The following SH3BP4 variants were observed in gnomAD, a reference collection of about 807,000 sequenced individuals.
The protein encoded by SH3BP4 is SH3 domain-binding protein 4.
SH3BP4 carries 33 observed loss-of-function variants against 65.5 expected under a neutral mutation model. The ratio of observed to expected loss-of-function variants is 0.50; its 90% CI spans 0.38 to 0.67. The LOEUF is 0.67. Ranked by LOEUF, SH3BP4 falls within the 30% of genes least tolerant of loss-of-function variation. The probability of loss-of-function intolerance (pLI) is 0.00; values close to 1 mark genes in which losing one functional copy is unlikely to be tolerated. For synonymous variants in SH3BP4, 552 were observed against 545.5 expected (o/e 1.01, Z -0.17); for missense variants, 1,134 against 1,261.4 (o/e 0.90, Z 1.53).
At chr2:234,986,808 TA>T (rs1199498624) in intron 1 of SH3BP4, among the ~76,000 whole-genome samples, 3 of 123,258 alleles carry the variant, frequency 2.4e-5, no homozygotes, top group South Asian at 2.4e-4. Context: ...CTAATGATTT[TA>T]TTTTTTTTTT....
At chr2:235,002,081 AAACTCCTGACCTCAGGCGACCCGC>A (rs1256319880) in intron 2 of SH3BP4, among the ~76,000 whole-genome samples, 4 of 152,086 alleles carry the variant, frequency 2.6e-5, no homozygotes, top group Non-Finnish European at 4.4e-5. Flanking sequence ...GGCTGATCTC[AAACTCCTGACCTCAGGCGACCCGC>A]CCGCCTCGGC....
intron 1 of SH3BP4, among the ~76,000 whole-genome samples, chr2:234,988,255 T>G (rs1288924769): frequency 6.6e-6 from 1 of 152,072 alleles, no homozygotes; most frequent in Non-Finnish European, 1.5e-5. Context: ...GAGACAGGGT[T>G]TCACCGTGTT....
intron 2 of SH3BP4, among the ~76,000 whole-genome samples, chr2:235,010,494 T>C (rs911648287): frequency 1.3e-5 from 2 of 152,238 alleles, no homozygotes; most frequent in African/African-American, 4.8e-5. Flanking sequence ...ATCTGTCTCA[T>C]AGGGCACTTG....
rs1231135377 is a variant in SH3BP4 at position 235,038,366 on chromosome 2, A to AAT, written c.119-2514_119-2513dup. Among the ~76,000 whole-genome samples, 108 of 39,496 alleles carry AAT rather than the reference A, an allele frequency of 2.7e-3. 1 individual carries two copies. Among genetic ancestry groups the AAT allele is most frequent in the African/African-American group, 9.0e-3 (76 of 8,480 alleles). The allele number at this position is 39,496 out of a possible 152,430, so 25.9% of individuals were successfully genotyped here. A position where few individuals can be genotyped will look rare whatever the true frequency, so the allele number is the denominator to read the frequency against. On this transcript the variant is annotated intron_variant, in intron 3 of 5. Transcript: ENST00000392011. ...ATATATATTTTATATATATATATAT[A>AAT]ATATATATACATATATATATATATA... is the stretch of plus-strand genomic sequence containing the variant.
At chr2:234,980,478 A>C (rs1483854628) in intron 1 of SH3BP4, among the ~76,000 whole-genome samples, 1 of 151,932 alleles carries the variant, frequency 6.6e-6, no homozygotes, top group African/African-American at 2.4e-5. Flanking sequence ...GTGAGGGGGG[A>C]CTGCTGTATG....
intron 2 of SH3BP4, among the ~76,000 whole-genome samples, chr2:235,009,127 G>C (rs947145461): frequency 2.0e-5 from 3 of 152,214 alleles, no homozygotes; most frequent in Non-Finnish European, 4.4e-5. Flanking sequence ...ATGGTTCCGG[G>C]TAGAATATAC....
intron 2 of SH3BP4, among the ~76,000 whole-genome samples, chr2:235,031,305 A>G (rs1309035134): frequency 6.6e-6 from 1 of 152,130 alleles, no homozygotes; most frequent in African/African-American, 2.4e-5. Flanking sequence ...TTTTTGTCTC[A>G]TCACTGGTTC....
chr2:235,044,818 G>A (rs1045368370), intron 4 of SH3BP4, among the ~76,000 whole-genome samples: 1 of 152,254 alleles, frequency 6.6e-6, no homozygotes, highest in African/African-American at 2.4e-5. Context: ...TGGGGCAGGA[G>A]TCGGGTGAGA....
rs1194551036 is a variant in SH3BP4 at position 235,040,372 on chromosome 2, A to C, written c.119-516A>C. Among the ~76,000 whole-genome samples the C allele has an allele frequency of 2.0e-5, 3 of 152,092 alleles. No individual in the cohort carries two copies. The East Asian group carries it at 5.8e-4, about 29-fold the overall frequency. On this transcript the variant is annotated intron_variant, in intron 3 of 5. Coordinates refer to ENST00000392011, the MANE Select transcript of SH3BP4 (RefSeq NM_014521.3). Reference sequence around the variant, plus strand: ...GAAATTTAAGAAGCAGGTTGAGGGAAGCTTTCCATCCAGAGGCAGAGCTTG... The same window carrying C: ...GAAATTTAAGAAGCAGGTTGAGGGACGCTTTCCATCCAGAGGCAGAGCTTG...
In SH3BP4 at chr2:235,002,862, G is replaced by A. The variant is rs546949577; in HGVS notation, c.-133+7486G>A. Among the ~76,000 whole-genome samples, 420 of 152,362 alleles carry A rather than the reference G, an allele frequency of 2.8e-3. 1 individual carries two copies. The highest frequency in any genetic ancestry group is 4.8e-3 in the Non-Finnish European group (324 of 68,030). The stretch of plus-strand genomic sequence containing the variant: ...GTTCAGATAACGGAAGGCCACACAA[G>A]ATTCTAGAATTGTCAGCAGAGGGAG... On this transcript the variant is annotated intron_variant, in intron 2 of 5. Transcript: ENST00000392011.
intron 3 of SH3BP4, among the ~76,000 whole-genome samples, chr2:235,038,288 TAATATATATATTATA>T (rs1559254185): frequency 5.2e-5 from 1 of 19,406 alleles, no homozygotes; most frequent in Non-Finnish European, 6.4e-5. Context: ...ATATTATATA[TAATATATATATTATA>T]TATATATATT....
intron 1 of SH3BP4, among the ~76,000 whole-genome samples, chr2:234,985,015 G>T (rs563450594): frequency 6.6e-6 from 1 of 152,150 alleles, no homozygotes; most frequent in African/African-American, 2.4e-5. Flanking sequence ...GCCAGGAGGC[G>T]GGGGCGTCGA....
intron 2 of SH3BP4, among the ~76,000 whole-genome samples, chr2:235,002,341 C>T (rs1028180691): frequency 4.6e-5 from 7 of 152,236 alleles, no homozygotes; most frequent in South Asian, 2.1e-4. Context: ...TGTTATGTTG[C>T]GTAATCTTCT....
chr2:235,043,922 G>A (rs1695759536), intron 4 of SH3BP4, among the ~76,000 whole-genome samples: 1 of 152,260 alleles, frequency 6.6e-6, no homozygotes, highest in Non-Finnish European at 1.5e-5. Context: ...GAGCATTCCA[G>A]TTACTTTTCC....
intron 2 of SH3BP4, among the ~76,000 whole-genome samples, chr2:234,998,235 G>A (rs1203423110): frequency 6.6e-6 from 1 of 152,214 alleles, no homozygotes; most frequent in Non-Finnish European, 1.5e-5. Context: ...TGCCTGGGGG[G>A]GCACGTGAAC....
intron 3 of SH3BP4, among the ~76,000 whole-genome samples, chr2:235,038,291 T>TATATATTATATATA (rs1559254205): frequency 0.018 from 353 of 19,184 alleles, 6 homozygotes; most frequent in African/African-American, 0.087. Context: ...TTATATATAA[T>TATATATTATATATA]ATATATATTA....
intron 2 of SH3BP4, among the ~76,000 whole-genome samples, chr2:235,020,978 A>T (rs1354466483): frequency 1.3e-5 from 2 of 152,166 alleles, no homozygotes; most frequent in East Asian, 3.8e-4. Context: ...TTTTTTATAA[A>T]TACATTTTTG....
At chr2:235,001,701 G>A (rs1158072936) in intron 2 of SH3BP4, among the ~76,000 whole-genome samples, 1 of 152,134 alleles carries the variant, frequency 6.6e-6, no homozygotes, top group Non-Finnish European at 1.5e-5. Context: ...CACAGTCCAG[G>A]GCAAGAGGCC....
intron 4 of SH3BP4, among the ~76,000 whole-genome samples, chr2:235,047,517 A>C (rs1695904012): frequency 6.6e-6 from 1 of 152,224 alleles, no homozygotes; most frequent in African/African-American, 2.4e-5. Context: ...TTTAAGAATC[A>C]GAAAAGTCAT....
Sources: allele counts gnomAD v4.1 joint callset (sites outside exome capture counted in the v4.1 genomes callset), GRCh38; gene constraint gnomAD v4.1.1; transcripts MANE v1.5; gene names NCBI Gene and HGNC (gene_info 2026-07-23, HGNC 2026-07-21).